Variants in NUMB observed in about 807,000 individuals in gnomAD.
NUMB encodes protein numb homolog.
A neutral mutation model predicts 59.7 loss-of-function variants in NUMB; 29 were observed. The observed-to-expected ratio is 0.49, with a 90% CI of 0.36 to 0.66. The LOEUF (loss-of-function observed/expected upper bound fraction) is 0.66, where lower values mean the gene tolerates loss of function less well. Among genes scored for constraint, NUMB ranks in the 30% least tolerant of loss-of-function variants. NUMB has a pLI of 0.00. For missense variants in NUMB, 723 were observed against 822.0 expected, an observed-to-expected ratio of 0.88 and a Z score of 1.47; for synonymous variants, 288 against 288.2, an observed-to-expected ratio of 1.00 and a Z score of 0.01.
chr14:73,296,441 CAAAAAA>C (rs34343929), intron 7 of NUMB, among the ~76,000 whole-genome samples: 1 of 124,050 alleles, frequency 8.1e-6, no homozygotes. Flanking sequence ...AACTCCATCT[CAAAAAA>C]AAAAAAAAAA....
At chr14:73,326,247 G>C (rs556118209) in intron 4 of NUMB, among the ~76,000 whole-genome samples, 1 of 152,186 alleles carries the variant, frequency 6.6e-6, no homozygotes, top group South Asian at 2.1e-4. Context: ...CCACCTCCTG[G>C]TTCCCAAACT....
rs1555370100 is a variant in NUMB, at chr14:73,309,756, T to TAATAATAAA, written c.234+6633_234+6634insTTTATTATT. On this transcript the variant is annotated intron_variant, in intron 6 of 12. Transcript: ENST00000555238. ...ATAATAATAATAATAATAATAATAA[T>TAATAATAAA]AAAAATAGGATCCAGAATGAAGATA... Among the ~76,000 whole-genome samples the TAATAATAAA allele has an allele frequency of 1.8e-3, 222 of 123,830 alleles. 2 individuals carry two copies. The highest frequency in any genetic ancestry group is 4.9e-3 in the African/African-American group (121 of 24,906). 81.2% of individuals were successfully genotyped at this position (123,830 alleles called of 152,430 possible). A position where few individuals can be genotyped will look rare whatever the true frequency, so the allele number is the denominator to read the frequency against.
intron 4 of NUMB, among the ~76,000 whole-genome samples, chr14:73,335,985 GA>G (rs1266799939): frequency 6.6e-6 from 1 of 152,160 alleles, no homozygotes; most frequent in African/African-American, 2.4e-5. Context: ...AATTCCATCT[GA>G]ATAGACTGTA....
intron 1 of NUMB, among the ~76,000 whole-genome samples, chr14:73,441,874 AAAC>A (rs1474729706): frequency 6.6e-6 from 1 of 152,122 alleles, no homozygotes; most frequent in Non-Finnish European, 1.5e-5. Context: ...TTCTGTCTCA[AAAC>A]AACAATAAAA....
rs201279325 is a variant in NUMB, at chr14:73,456,297, T to TG, written c.-233+2195dup. On this transcript the variant is annotated intron_variant, in intron 1 of 12. Coordinates refer to ENST00000555238, the MANE Select transcript of NUMB (RefSeq NM_001005743.2). ...GCTAATTTTGTATTTTTTTTAAAGATGGGGGTCTCACCATGTTGGTCAGGC... is the reference window on the plus strand; with the variant it reads ...GCTAATTTTGTATTTTTTTTAAAGATGGGGGGTCTCACCATGTTGGTCAGGC... 0.013 allele frequency among the ~76,000 whole-genome samples: 1,979 copies of TG among 152,192 alleles called. 98 individuals carry two copies. The South Asian group carries it at 0.16, about 12-fold the overall frequency.
intron 4 of NUMB, among the ~76,000 whole-genome samples, chr14:73,349,540 C>T (rs1442005694): frequency 6.8e-6 from 1 of 146,286 alleles, no homozygotes; most frequent in Non-Finnish European, 1.5e-5. Flanking sequence ...TGCCATTGCA[C>T]TCCATCCTGG....
chr14:73,323,019 C>G (rs1031903365), intron 5 of NUMB, 111 bp downstream of exon 5: 6 of 777,372 alleles, frequency 7.7e-6, no homozygotes, highest in Admixed American at 2.4e-5. Context: ...AAGCCCACAT[C>G]TTTTTAACAG....
intron 4 of NUMB, among the ~76,000 whole-genome samples, chr14:73,346,631 T>C (rs969131204): frequency 1.9e-4 from 29 of 152,316 alleles, no homozygotes; most frequent in African/African-American, 7.0e-4. Context: ...CCAGCCGCAG[T>C]TGCACTTTAT....
chr14:73,437,935 A>C (rs929939462), intron 1 of NUMB, among the ~76,000 whole-genome samples: 54 of 152,378 alleles, frequency 3.5e-4, no homozygotes, highest in African/African-American at 1.2e-3. Context: ...TAATGATCAT[A>C]TTTTAAATGT....
intron 1 of NUMB, among the ~76,000 whole-genome samples, chr14:73,433,234 CA>C (rs1285870148): frequency 6.6e-6 from 1 of 151,782 alleles, no homozygotes; most frequent in Non-Finnish European, 1.5e-5. Context: ...CCAGTCTGGC[CA>C]ACATGGCAAA....
chr14:73,435,271 CTTTTTTT>C (rs11295491), intron 1 of NUMB, among the ~76,000 whole-genome samples: 3 of 112,834 alleles, frequency 2.7e-5, no homozygotes, highest in African/African-American at 1.2e-4. Context: ...TTGGCAATTA[CTTTTTTT>C]TTTTTTTTTT....
At chr14:73,373,296 C>T (rs1385141228) in intron 2 of NUMB, among the ~76,000 whole-genome samples, 1 of 152,174 alleles carries the variant, frequency 6.6e-6, no homozygotes, top group Non-Finnish European at 1.5e-5. Context: ...AACTGTGCTC[C>T]CTGTAGTGAT....
At chr14:73,403,161 T>G (rs1896496535) in intron 2 of NUMB, among the ~76,000 whole-genome samples, 1 of 152,236 alleles carries the variant, frequency 6.6e-6, no homozygotes, top group Admixed American at 6.5e-5. Context: ...TCTTTTTCCT[T>G]CTTCCTTGAA....
In NUMB at chr14:73,431,054, C is replaced by A. The variant is rs556142892; in HGVS notation, c.-232-20986G>T. On this transcript the variant is annotated intron_variant, in intron 1 of 12. Coordinates refer to ENST00000555238, the MANE Select transcript of NUMB (RefSeq NM_001005743.2). ...GCTCACTGCAACCTCTGCCTCCAGGCTCAAGCAACCCTCCCACATCAGCCT... is the reference window on the plus strand; with the variant it reads ...GCTCACTGCAACCTCTGCCTCCAGGATCAAGCAACCCTCCCACATCAGCCT... 4.0e-5 allele frequency among the ~76,000 whole-genome samples: 6 copies of A among 149,204 alleles called. No homozygotes were observed. The South Asian group carries it at 1.3e-3, about 32-fold the overall frequency.
chr14:73,295,166 G>A (rs1290026667), intron 7 of NUMB, among the ~76,000 whole-genome samples: 4 of 151,412 alleles, frequency 2.6e-5, no homozygotes, highest in African/African-American at 9.7e-5. Flanking sequence ...TTGCTCAAAG[G>A]TTAAGGGCTT....
At chr14:73,385,495 C>CTTT (rs1566773092) in intron 2 of NUMB, among the ~76,000 whole-genome samples, 3 of 67,544 alleles carry the variant, frequency 4.4e-5, no homozygotes, top group African/African-American at 7.4e-5. Context: ...TGGCTAGTGG[C>CTTT]CTTTTTTTTT....
At chr14:73,324,975 C>T (rs1891588104) in intron 4 of NUMB, among the ~76,000 whole-genome samples, 1 of 150,964 alleles carries the variant, frequency 6.6e-6, no homozygotes, top group African/African-American at 2.4e-5. Flanking sequence ...GTATCCCTCT[C>T]CTGAAAATGC....
chr14:73,369,394 A>T (rs1894554304), intron 2 of NUMB, among the ~76,000 whole-genome samples: 1 of 152,196 alleles, frequency 6.6e-6, no homozygotes, highest in Non-Finnish European at 1.5e-5. Flanking sequence ...TTCAATTGCC[A>T]TTTACCTTCA....
intron 2 of NUMB, among the ~76,000 whole-genome samples, chr14:73,408,437 A>G (rs921076150): frequency 6.6e-6 from 1 of 152,022 alleles, no homozygotes; most frequent in African/African-American, 2.4e-5. Flanking sequence ...ACAAACAAGA[A>G]AAAAAAAGAC....
Sources: allele counts gnomAD v4.1 joint callset (sites outside exome capture counted in the v4.1 genomes callset), GRCh38; gene constraint gnomAD v4.1.1; transcripts MANE v1.5; gene names NCBI Gene and HGNC (gene_info 2026-07-23, HGNC 2026-07-21).